Variants in ZHX2 observed in about 807,000 individuals in gnomAD.
ZHX2 encodes the protein zinc fingers and homeoboxes 2.
Under a neutral mutation model 21.9 loss-of-function variants are expected in ZHX2, and 6 were observed. That is an observed-to-expected ratio of 0.27 (90% CI 0.15 to 0.54). The LOEUF is 0.54. ZHX2 is among the 20% of genes least tolerant of loss of function. ZHX2 has a pLI of 0.95. For missense variants in ZHX2, 908 were observed against 1,090.7 expected (o/e 0.83, Z 2.36); for synonymous variants, 434 against 437.1 (o/e 0.99, Z 0.09).
chr8:122,803,203 TA>T (rs914953406), intron 1 of ZHX2, among the ~76,000 whole-genome samples: 1 of 151,968 alleles, frequency 6.6e-6, no homozygotes, highest in Non-Finnish European at 1.5e-5. Flanking sequence ...ACTCTACCCC[TA>T]AAAAACAGCC....
intron 2 of ZHX2, among the ~76,000 whole-genome samples, chr8:122,875,560 T>TGTAGCAACAGCAGCAGCGCCG (rs1361543638): frequency 6.6e-6 from 1 of 151,920 alleles, no homozygotes; most frequent in Non-Finnish European, 1.5e-5. Flanking sequence ...TCATAAGATT[T>TGTAGCAACAGCAGCAGCGCCG]GTAGCAACAG....
In ZHX2 at chr8:122,953,151, C is replaced by G. The variant is rs775415310; in HGVS notation, c.1641C>G (p.Ser547Arg). ...GTCAGGTTAAAATCTTGGAAGACAG[C>G]TTTTTGAAAAGTTCTTTTCCTACCC... is the stretch of plus-strand genomic sequence containing the variant. ...TQGQVKILED[S>R]FLKSSFPTQA... Residue 547 changes from serine (S) to arginine (R), a missense_variant, in exon 3 of 4, where the codon AGC becomes AGG. This residue lies in a region of ZHX2 where 431 missense variants were observed against 428.6 expected (regional missense o/e 1.01). Transcript: ENST00000314393. This position sits in a 1 kb window ranked among gnomAD's most constrained non-coding sequence, Gnocchi z 4.6. 1 of 1,613,676 alleles carries G rather than the reference C, an allele frequency of 6.2e-7. No individual in the cohort carries two copies. Among genetic ancestry groups the G allele is most frequent in the East Asian group, 2.2e-5 (1 of 44,862 alleles).
At chr8:122,892,941 C>G (rs1279658031) in intron 2 of ZHX2, among the ~76,000 whole-genome samples, 3 of 152,208 alleles carry the variant, frequency 2.0e-5, no homozygotes, top group Non-Finnish European at 4.4e-5. Flanking sequence ...GCCTTAGTCT[C>G]CCAAAGTGCT....
intron 1 of ZHX2, among the ~76,000 whole-genome samples, chr8:122,860,785 C>T (rs956065437): frequency 6.6e-6 from 1 of 152,044 alleles, no homozygotes; most frequent in Non-Finnish European, 1.5e-5. Flanking sequence ...CCTGTAATCC[C>T]AGCACTTTGG....
chr8:122,970,038 C>A (rs902357010), intron 3 of ZHX2, among the ~76,000 whole-genome samples: 1 of 152,124 alleles, frequency 6.6e-6, no homozygotes, highest in Non-Finnish European at 1.5e-5. Context: ...ACGTGTTCAC[C>A]GAGAGCCTGG....
Position 122,813,127 on chromosome 8 carries a change from C to T in ZHX2, c.-283+31181C>T, listed in dbSNP as rs537277950. 1.2e-3 allele frequency among the ~76,000 whole-genome samples: 174 copies of T among 147,268 alleles called. 2 individuals are homozygous for T. Among genetic ancestry groups the T allele is most frequent in the African/African-American group, 4.1e-3 (162 of 39,730 alleles). On this transcript the variant is annotated intron_variant, in intron 1 of 3. Coordinates refer to ENST00000314393, the MANE Select transcript of ZHX2 (RefSeq NM_014943.5). The stretch of plus-strand genomic sequence containing the variant: ...AGGAGAATCACTTGAACCTGGGAGG[C>T]GGAGGTTGTGGTGAGCCAAGATCAC...
intron 1 of ZHX2, among the ~76,000 whole-genome samples, chr8:122,820,859 T>A (rs1818133024): frequency 6.6e-6 from 1 of 152,198 alleles, no homozygotes; most frequent in Admixed American, 6.5e-5. Context: ...GGCTTCCAAA[T>A]CAAAGCCAAC....
At chr8:122,787,847 G>T (rs117247357) in intron 1 of ZHX2, among the ~76,000 whole-genome samples, 1 of 152,234 alleles carries the variant, frequency 6.6e-6, no homozygotes, top group Non-Finnish European at 1.5e-5. Flanking sequence ...GCAGAAAACT[G>T]AGGAAGGACC....
chr8:122,789,519 A>C (rs1002238809), intron 1 of ZHX2, among the ~76,000 whole-genome samples: 3 of 152,248 alleles, frequency 2.0e-5, no homozygotes, highest in Non-Finnish European at 4.4e-5. Context: ...CAGCCTGGTC[A>C]GAGCTGGATG....
In ZHX2 at chr8:122,969,151, ACT is replaced by A. The variant is rs370388394; in HGVS notation, c.*5-4088_*5-4087del. Among the ~76,000 whole-genome samples the A allele has an allele frequency of 2.0e-5, 3 of 151,660 alleles. No homozygotes were observed. The East Asian group carries it at 5.8e-4, about 29-fold the overall frequency. On this transcript the variant is annotated intron_variant, in intron 3 of 3. Transcript: ENST00000314393. ...ACTCCAGCCTGGGTGACAGAGCAAG[ACT>A]CTGTCTCAAAAAAAAAAGAGAGAGA...
intron 2 of ZHX2, among the ~76,000 whole-genome samples, chr8:122,932,578 T>G (rs1175413025): frequency 1.3e-5 from 2 of 152,168 alleles, no homozygotes; most frequent in Non-Finnish European, 2.9e-5. Context: ...TGCAGTGAGC[T>G]GAGATCGCGC....
intron 1 of ZHX2, among the ~76,000 whole-genome samples, chr8:122,858,629 T>C (rs1819088348): frequency 7.1e-6 from 1 of 141,200 alleles, no homozygotes; most frequent in Non-Finnish European, 1.5e-5. Flanking sequence ...CCTTTTTTTT[T>C]CTTTCTTTCT....
chr8:122,914,056 T>C (rs1820541239), intron 2 of ZHX2, among the ~76,000 whole-genome samples: 2 of 152,230 alleles, frequency 1.3e-5, no homozygotes, highest in African/African-American at 4.8e-5. Context: ...CATCTCTGTC[T>C]GAGTTTTTAT....
intron 3 of ZHX2, among the ~76,000 whole-genome samples, chr8:122,961,913 GAGA>G: frequency 6.6e-6 from 1 of 152,266 alleles, no homozygotes; most frequent in African/African-American, 2.4e-5. Context: ...TCTCTATATG[GAGA>G]AGAACTTGGC....
At chr8:122,871,094 A>G (rs576932716) in intron 2 of ZHX2, among the ~76,000 whole-genome samples, 1 of 152,276 alleles carries the variant, frequency 6.6e-6, no homozygotes, top group South Asian at 2.1e-4. Context: ...CGTGGCTTCA[A>G]TTCACATCCT....
chr8:122,888,511 C>T (rs1414767547), intron 2 of ZHX2, among the ~76,000 whole-genome samples: 1 of 151,994 alleles, frequency 6.6e-6, no homozygotes, highest in Non-Finnish European at 1.5e-5. Flanking sequence ...GATGGAGTTT[C>T]ACTCCCATTG....
At chr8:122,917,393 C>T (rs1301513422) in intron 2 of ZHX2, among the ~76,000 whole-genome samples, 1 of 152,062 alleles carries the variant, frequency 6.6e-6, no homozygotes, top group Non-Finnish European at 1.5e-5. Context: ...GTCCTCCATC[C>T]CCACCACACC....
intron 2 of ZHX2, among the ~76,000 whole-genome samples, chr8:122,943,054 G>A (rs564073842): frequency 5.4e-3 from 816 of 152,210 alleles, no homozygotes; most frequent in Non-Finnish European, 9.1e-3. Context: ...CTGAGGTCAG[G>A]AGTTCGAGAC....
intron 1 of ZHX2, among the ~76,000 whole-genome samples, chr8:122,790,204 GA>G (rs1176870271): frequency 6.6e-6 from 1 of 152,074 alleles, no homozygotes; most frequent in Non-Finnish European, 1.5e-5. Context: ...TGCTCTAGCT[GA>G]AAAAAAATTT....
Sources: gnomAD v4.1 joint callset for allele counts (sites outside exome capture counted in the v4.1 genomes callset) on GRCh38, gnomAD v4.1.1 for gene constraint, gnomAD v4.1.1 regional missense constraint, Gnocchi (gnomAD v3.1) non-coding constraint, MANE v1.5 for transcripts, NCBI Gene and HGNC (gene_info 2026-07-23, HGNC 2026-07-21) for gene names.